The following AP3M2 variants were observed in gnomAD, a reference collection of about 807,000 sequenced individuals.
AP3M2 encodes the protein AP-3 complex subunit mu-2.
Under a neutral mutation model 41.6 loss-of-function variants are expected in AP3M2, and 28 were observed. The ratio of observed to expected loss-of-function variants is 0.67; its 90% CI spans 0.50 to 0.92. The LOEUF (loss-of-function observed/expected upper bound fraction) is 0.92. Among genes scored for constraint, AP3M2 ranks in the 40% least tolerant of loss-of-function variants. AP3M2 has a pLI of 0.00. For synonymous variants in AP3M2, 193 were observed against 186.4 expected (o/e 1.04, Z -0.29); for missense variants, 427 against 521.4 (o/e 0.82, Z 1.76).
In AP3M2 at chr8:42,164,975, GGA is replaced by G; in HGVS notation, c.584-90_584-89del. 2.9e-6 allele frequency: 3 copies of G among 1,032,932 alleles called. No homozygotes were observed. The South Asian group carries it at 4.8e-5, about 16-fold the overall frequency. 64.0% of individuals were successfully genotyped at this position (1,032,932 alleles called of 1,614,324 possible). ...GGGGAGGGAGAGAGAGGAAGGTGAGGGAGAGAGGAAGAGAAGGAGGGAGGAGA... is the reference window on the plus strand; with the variant it reads ...GGGGAGGGAGAGAGAGGAAGGTGAGGGAGAGGAAGAGAAGGAGGGAGGAGA... On this transcript the variant is annotated intron_variant, in intron 4 of 8. Transcript: ENST00000396926.
intron 8 of AP3M2, 141 bp from the exon 9 acceptor site, chr8:42,168,820 A>G: frequency 1.8e-6 from 1 of 559,896 alleles, no homozygotes; most frequent in Non-Finnish European, 3.1e-6. Flanking sequence ...AGACTGGAGA[A>G]TCCATCTGCT....
In AP3M2 at chr8:42,158,540, C is replaced by T. The variant is rs543621741; in HGVS notation, c.445+428C>T. Reference sequence around the variant, plus strand: ...CTGGGATTACAGGTGTGAGCCACCGCGCCTGGCCCCTCTTGTAGACTGAGT... The same window carrying T: ...CTGGGATTACAGGTGTGAGCCACCGTGCCTGGCCCCTCTTGTAGACTGAGT... On this transcript the variant is annotated intron_variant, in intron 3 of 8. Coordinates refer to ENST00000396926, the MANE Select transcript of AP3M2 (RefSeq NM_006803.4). 3.3e-5 allele frequency among the ~76,000 whole-genome samples: 5 copies of T among 151,700 alleles called. No individual in the cohort carries two copies. In the East Asian group the frequency reaches 7.8e-4, roughly 24 times the overall value.
rs1804653848 is a variant in AP3M2, at chr8:42,166,922, T to A, written c.804-242T>A. On this transcript the variant is annotated intron_variant, in intron 6 of 8. Coordinates refer to ENST00000396926, the MANE Select transcript of AP3M2 (RefSeq NM_006803.4). ...ATGCCTTTGTCATAGTAGTGTACTT[T>A]TTGATTTTGTTTGTATTATTCAGAG... 2.8e-5 allele frequency: 14 copies of A among 505,666 alleles called. No homozygotes were observed. The South Asian group carries it at 3.3e-4, about 12-fold the overall frequency. The allele number at this position is 505,666 out of a possible 1,614,324, so 31.3% of individuals were successfully genotyped here.
intron 3 of AP3M2, among the ~76,000 whole-genome samples, chr8:42,161,158 C>T (rs765024980): frequency 6.6e-6 from 1 of 151,998 alleles, no homozygotes. Flanking sequence ...CAAAAATTAG[C>T]CAAGCATGGT....
Position 42,162,377 on chromosome 8 carries a change from T to A in AP3M2, c.542T>A (p.Phe181Tyr), listed in dbSNP as rs956851677. ...AAATATACCAACAATGAGGCCTATT[T>A]TGATGTGATTGAAGAGATTGATGCA... The part of the protein sequence containing the change: ...GVKYTNNEAY[F>Y]DVIEEIDAII... The change falls in exon 4 of 9, where the codon TTT becomes TAT. Residue 181 changes from phenylalanine (F) to tyrosine (Y), a missense_variant. Physicochemically the swap from Phe to Tyr is conservative, Grantham distance 22. Transcript: ENST00000396926. 1 of 1,613,040 alleles carries A rather than the reference T, an allele frequency of 6.2e-7. No homozygotes were observed. The highest frequency in any genetic ancestry group is 1.1e-5 in the South Asian group (1 of 90,942).
At chr8:42,157,902 G>T (rs985530617) in intron 2 of AP3M2, 39 bp from the exon 3 acceptor site, 36 of 1,570,218 alleles carry the variant, frequency 2.3e-5, no homozygotes, top group Admixed American at 3.4e-5. Context: ...TTATTTTACA[G>T]TATCTGAGTG....
intron 2 of AP3M2, among the ~76,000 whole-genome samples, chr8:42,156,952 CA>C (rs139295233): frequency 1.7e-3 from 254 of 152,252 alleles, no homozygotes; most frequent in African/African-American, 6.0e-3. Context: ...AGGCAAATTT[CA>C]GTTTAGCAAA....
chr8:42,160,629 T>A (rs1804483563), intron 3 of AP3M2, among the ~76,000 whole-genome samples: 2 of 152,262 alleles, frequency 1.3e-5, no homozygotes, highest in Non-Finnish European at 2.9e-5. Flanking sequence ...TTGGATTTAA[T>A]TATTTAATCC....
At chr8:42,156,737 A>C (rs1278721957) in intron 2 of AP3M2, among the ~76,000 whole-genome samples, 1 of 152,152 alleles carries the variant, frequency 6.6e-6, no homozygotes, top group African/African-American at 2.4e-5. Flanking sequence ...ATCTAATGTA[A>C]TTTAGACTCT....
intron 3 of AP3M2, among the ~76,000 whole-genome samples, chr8:42,158,732 C>T (rs1804426472): frequency 6.6e-6 from 1 of 151,542 alleles, no homozygotes; most frequent in African/African-American, 2.4e-5. Context: ...GCTTTTAATC[C>T]CACCACACTT....
rs758213644 is a variant in AP3M2 at position 42,162,365 on chromosome 8, A to G, written c.530A>G (p.Asn177Ser). 6.8e-6 allele frequency: 11 copies of G among 1,613,616 alleles called. No individual in the cohort carries two copies. Among genetic ancestry groups the G allele is most frequent in the South Asian group, 3.3e-5 (3 of 91,014 alleles). ...CGGACTGGGGTGAAATATACCAACA[A>G]TGAGGCCTATTTTGATGTGATTGAA... ...WRRTGVKYTN[N>S]EAYFDVIEEI... The change falls in exon 4 of 9, where the codon AAT becomes AGT. Residue 177 changes from asparagine (N) to serine (S), a missense_variant. Around this residue, in one of 3 missense-constraint regions of AP3M2, gnomAD observed 86 missense variants for 142.6 expected, o/e 0.60. Coordinates refer to ENST00000396926, the MANE Select transcript of AP3M2 (RefSeq NM_006803.4).
Position 42,154,752 on chromosome 8 carries a change from G to A in AP3M2, c.65G>A (p.Ser22Asn). The A allele has an allele frequency of 6.2e-7, 1 of 1,614,190 alleles. No homozygotes were observed. The change falls in exon 2 of 9, where the codon AGT becomes AAT. Residue 22 changes from serine to asparagine, a missense_variant. Ser to Asn is a conservative substitution (Grantham distance 46, BLOSUM62 1). Coordinates refer to ENST00000396926, the MANE Select transcript of AP3M2 (RefSeq NM_006803.4). ...GDIFLEKHWK[S>N]VVSRSVCDYF... ...ATTTTCCTGGAGAAACATTGGAAAAGTGTGGTCAGCCGTTCTGTTTGTGAT... is the reference window on the plus strand; with the variant it reads ...ATTTTCCTGGAGAAACATTGGAAAAATGTGGTCAGCCGTTCTGTTTGTGAT...
chr8:42,165,317 G>A lies in AP3M2; in HGVS notation c.670-110G>A. 1.3e-5 allele frequency: 19 copies of A among 1,439,152 alleles called. No homozygotes were observed. The South Asian group carries it at 2.1e-4, about 16-fold the overall frequency. 89.1% of individuals were successfully genotyped at this position (1,439,152 alleles called of 1,614,324 possible). On this transcript the variant is annotated intron_variant, in intron 5 of 8. Transcript: ENST00000396926. ...CTAGAAGTCACTACATGATTTCTGT[G>A]TGTGTGTGTGTGGTGTGTTTTAATT...
At chr8:42,159,789 A>G (rs1248038621) in intron 3 of AP3M2, among the ~76,000 whole-genome samples, 1 of 152,220 alleles carries the variant, frequency 6.6e-6, no homozygotes, top group Non-Finnish European at 1.5e-5. Flanking sequence ...TTTTCATGGA[A>G]TTTTATAAAC....
intron 3 of AP3M2, among the ~76,000 whole-genome samples, chr8:42,161,437 C>T (rs553992093): frequency 2.2e-4 from 33 of 151,840 alleles, no homozygotes; most frequent in Non-Finnish European, 4.0e-4. Flanking sequence ...AGTGAAACCC[C>T]GTCTCTACTA....
intron 8 of AP3M2, 24 bp downstream of exon 8, chr8:42,167,834 G>A (rs754468623): frequency 6.3e-7 from 1 of 1,584,998 alleles, no homozygotes; most frequent in Non-Finnish European, 8.5e-7. Context: ...AGCTCAAGAG[G>A]CTCCAAAGGG....
chr8:42,156,952 C>T (rs558026844), intron 2 of AP3M2, among the ~76,000 whole-genome samples: 1 of 152,252 alleles, frequency 6.6e-6, no homozygotes, highest in Non-Finnish European at 1.5e-5. Context: ...AGGCAAATTT[C>T]AGTTTAGCAA....
chr8:42,156,613 A>T (rs975598657), intron 2 of AP3M2, among the ~76,000 whole-genome samples: 2 of 152,268 alleles, frequency 1.3e-5, no homozygotes, highest in South Asian at 4.1e-4. Flanking sequence ...TCTTCTTTTA[A>T]ATTATCATTC....
intron 6 of AP3M2, among the ~76,000 whole-genome samples, chr8:42,166,542 C>T (rs2150960503): frequency 7.2e-6 from 1 of 139,270 alleles, no homozygotes; most frequent in Non-Finnish European, 1.5e-5. Context: ...ATCACTTGAG[C>T]CCAGGAGTTC....
Sources: gnomAD v4.1 joint callset for allele counts (sites outside exome capture counted in the v4.1 genomes callset) on GRCh38, gnomAD v4.1.1 for gene constraint, gnomAD v4.1.1 regional missense constraint, MANE v1.5 for transcripts, NCBI Gene and HGNC (gene_info 2026-07-23, HGNC 2026-07-21) for gene names.